Variants in BAZ2B observed in about 807,000 individuals in gnomAD.
BAZ2B encodes bromodomain adjacent to zinc finger domain protein 2B.
In BAZ2B, 91 loss-of-function variants were observed where a neutral mutation model predicts 246.0. That is an observed-to-expected ratio of 0.37 (90% CI 0.31 to 0.44). The LOEUF is 0.44. BAZ2B is among the 20% of genes least tolerant of loss of function. The pLI, the probability that BAZ2B is intolerant of heterozygous loss-of-function variation, is 1.00. For synonymous variants in BAZ2B, 855 were observed against 860.0 expected, an observed-to-expected ratio of 0.99 and a Z score of 0.10; for missense variants, 2,332 against 2,533.7, an observed-to-expected ratio of 0.92 and a Z score of 1.71.
the BAZ2B span, among the ~76,000 whole-genome samples, chr2:159,628,000 T>A: frequency 6.6e-6 from 1 of 152,042 alleles, no homozygotes; most frequent in African/African-American, 2.4e-5. Flanking sequence ...AGTGCAAAAA[T>A]CACAAGCATT....
intron 10 of BAZ2B, among the ~76,000 whole-genome samples, chr2:159,429,884 T>C (rs557594011): frequency 6.6e-6 from 1 of 152,178 alleles, no homozygotes; most frequent in African/African-American, 2.4e-5. Context: ...AAGAGGAGAG[T>C]GAAATAAGTA....
chr2:159,336,979 T>C lies in BAZ2B; in HGVS notation c.5759A>G (p.Gln1920Arg). The C allele has an allele frequency of 6.2e-7, 1 of 1,610,122 alleles. No homozygotes were observed. Among genetic ancestry groups the C allele is most frequent in the Non-Finnish European group, 8.5e-7 (1 of 1,176,922 alleles). Residue 1920 changes from glutamine to arginine, a missense_variant, in exon 33 of 37, where the codon CAG becomes CGG. By Grantham distance (43) the Gln-to-Arg change is conservative. This residue lies in a region of BAZ2B where 53 missense variants were observed against 62.0 expected (regional missense o/e 0.86). Coordinates refer to ENST00000392783, the MANE Select transcript of BAZ2B (RefSeq NM_013450.4). Reference protein sequence around the residue: ...AQVALCIQQLQKSIAWEKSIM... With the variant: ...AQVALCIQQLRKSIAWEKSIM... The stretch of plus-strand genomic sequence containing the variant: ...TGATTTTTCCCATGCTATTGATTTC[T>C]GTAATTGCTGAATGCACAGAGCTAC...
the BAZ2B span, among the ~76,000 whole-genome samples, chr2:159,673,488 A>G: frequency 5.9e-5 from 9 of 152,332 alleles, no homozygotes; most frequent in East Asian, 1.5e-3. Context: ...CTTTGATTTA[A>G]CAATTCCATT....
At chr2:159,498,686 C>CA (rs34624465) in intron 2 of BAZ2B, among the ~76,000 whole-genome samples, 3 of 152,122 alleles carry the variant, frequency 2.0e-5, no homozygotes, top group African/African-American at 7.2e-5. Flanking sequence ...CAAATATACA[C>CA]AAAAAGTTAT....
chr2:159,504,312 A>C (rs1172411447), intron 2 of BAZ2B, among the ~76,000 whole-genome samples: 1 of 152,090 alleles, frequency 6.6e-6, no homozygotes, highest in Admixed American at 6.5e-5. Context: ...TCTTAATTTT[A>C]ATAAAGTGTT....
intron 2 of BAZ2B, among the ~76,000 whole-genome samples, chr2:159,484,175 G>A (rs1225783350): frequency 2.6e-5 from 4 of 152,146 alleles, no homozygotes; most frequent in Non-Finnish European, 5.9e-5. Flanking sequence ...TCCAAACTAA[G>A]TTGTTAGTGT....
chr2:159,599,818 C>T (rs1451315317), intron 1 of BAZ2B, among the ~76,000 whole-genome samples: 1 of 151,130 alleles, frequency 6.6e-6, no homozygotes, highest in Non-Finnish European at 1.5e-5. Flanking sequence ...AGCCTGTAGT[C>T]CCAGCTACTC....
chr2:159,406,013 A>G (rs2065876473), intron 14 of BAZ2B, among the ~76,000 whole-genome samples: 1 of 152,252 alleles, frequency 6.6e-6, no homozygotes, highest in Non-Finnish European at 1.5e-5. Context: ...ATAATCTTCA[A>G]GGATACATGT....
chr2:159,413,355 T>A (rs2067121803), intron 13 of BAZ2B, among the ~76,000 whole-genome samples: 1 of 152,160 alleles, frequency 6.6e-6, no homozygotes, highest in South Asian at 2.1e-4. Flanking sequence ...AAAATATGTA[T>A]CAAACAAGCC....
intron 3 of BAZ2B, among the ~76,000 whole-genome samples, chr2:159,476,454 A>G (rs965427681): frequency 3.9e-5 from 6 of 152,132 alleles, no homozygotes; most frequent in South Asian, 2.1e-4. Context: ...TTTCTAGACA[A>G]GGTTTCTAAT....
chr2:159,658,653 G>C, the BAZ2B span, among the ~76,000 whole-genome samples: 1 of 152,152 alleles, frequency 6.6e-6, no homozygotes, highest in Non-Finnish European at 1.5e-5. Context: ...AAGTAGCTGG[G>C]ACTACAGGCA....
At chr2:159,360,479 C>T (rs141768313) in intron 27 of BAZ2B, among the ~76,000 whole-genome samples, 5,448 of 152,268 alleles carry the variant, frequency 0.036, 196 homozygotes, top group African/African-American at 0.096. Flanking sequence ...GAAAAACATT[C>T]CATGCTCATG....
chr2:159,415,444 C>CAAAAAAAAAA (rs66504722), intron 13 of BAZ2B, among the ~76,000 whole-genome samples: 17 of 112,914 alleles, frequency 1.5e-4, no homozygotes, highest in Admixed American at 2.9e-4. Flanking sequence ...GACTCCGTCT[C>CAAAAAAAAAA]AAAAAAAAAA....
chr2:159,488,175 T>C (rs1419964360), intron 2 of BAZ2B, among the ~76,000 whole-genome samples: 3 of 152,144 alleles, frequency 2.0e-5, no homozygotes, highest in Non-Finnish European at 4.4e-5. Context: ...TGGGTTCCAG[T>C]AATTCTTCCG....
At chr2:159,354,352 A>T (rs78802452) in intron 27 of BAZ2B, among the ~76,000 whole-genome samples, 5,563 of 151,884 alleles carry the variant, frequency 0.037, 202 homozygotes, top group African/African-American at 0.096. Context: ...AATTAAAAAA[A>T]ATATATATAT....
intron 1 of BAZ2B, among the ~76,000 whole-genome samples, chr2:159,595,564 T>C (rs376935946): frequency 2.0e-5 from 3 of 152,354 alleles, no homozygotes; most frequent in Admixed American, 2.0e-4. Context: ...TATGACACAG[T>C]TCTCAATTAT....
chr2:159,320,123 T>C lies in BAZ2B; in HGVS notation c.*142A>G, dbSNP rs1272366856. 1.2e-5 allele frequency: 9 copies of C among 758,524 alleles called. No individual in the cohort carries two copies. The highest frequency in any genetic ancestry group is 1.1e-4 in the African/African-American group (6 of 53,972). The allele number at this position is 758,524 out of a possible 1,614,324, so 47.0% of individuals were successfully genotyped here. A position where few individuals can be genotyped will look rare whatever the true frequency, so the allele number is the denominator to read the frequency against. On this transcript the variant is annotated 3_prime_UTR_variant, in exon 37 of 37. Coordinates refer to ENST00000392783, the MANE Select transcript of BAZ2B (RefSeq NM_013450.4). ...AATGAAGCCTTTAAAAATGGTATCA[T>C]TCTTCTGATACTTTTTTTTTATACT...
chr2:159,452,971 G>A (rs1014466670), intron 4 of BAZ2B, among the ~76,000 whole-genome samples: 8 of 152,152 alleles, frequency 5.3e-5, no homozygotes, highest in African/African-American at 1.2e-4. Flanking sequence ...ATGATGGTGC[G>A]TGGCTGTAAT....
intron 13 of BAZ2B, among the ~76,000 whole-genome samples, chr2:159,417,418 G>A (rs369985361): frequency 5.9e-5 from 9 of 152,068 alleles, no homozygotes; most frequent in Non-Finnish European, 1.0e-4. Context: ...TGATCCACCC[G>A]CCTTGGCCTC....
Sources: allele counts gnomAD v4.1 joint callset (sites outside exome capture counted in the v4.1 genomes callset), GRCh38; gene constraint gnomAD v4.1.1; regional missense constraint gnomAD v4.1.1; transcripts MANE v1.5; gene names NCBI Gene and HGNC (gene_info 2026-07-23, HGNC 2026-07-21).